The following OSBPL1A variants were observed in gnomAD, a reference collection of about 807,000 sequenced individuals.
OSBPL1A encodes the protein oxysterol binding protein like 1A.
OSBPL1A carries 80 observed loss-of-function variants against 137.1 expected under a neutral mutation model. The observed-to-expected ratio is 0.58, with a 90% confidence interval of 0.49 to 0.70. The LOEUF (loss-of-function observed/expected upper bound fraction) is 0.70. Ranked by LOEUF, OSBPL1A falls within the 30% of genes least tolerant of loss-of-function variation. The pLI is 0.00. For synonymous variants in OSBPL1A, 365 were observed against 389.7 expected (o/e 0.94, Z 0.75); for missense variants, 970 against 1,129.4 (o/e 0.86, Z 2.02).
intron 3 of OSBPL1A, chr18:24,368,009 C>T (rs1169898349): frequency 4.4e-6 from 1 of 229,438 alleles, no homozygotes; most frequent in African/African-American, 2.3e-5. Context: ...AACTGTCACA[C>T]TCAGAACTGA....
intron 4 of OSBPL1A, among the ~76,000 whole-genome samples, chr18:24,352,743 G>A (rs1181932842): frequency 6.6e-6 from 1 of 152,144 alleles, no homozygotes; most frequent in African/African-American, 2.4e-5. Context: ...ACAGAACAGA[G>A]TCCTCAGAAA....
rs770835813 is a variant in OSBPL1A at position 24,366,879 on chromosome 18, G to A, written c.282+13C>T. On this transcript the variant is annotated intron_variant, in intron 4 of 27. Coordinates refer to ENST00000319481, the MANE Select transcript of OSBPL1A (RefSeq NM_080597.4). ...ACCTCACTTACAAACATTGAACATA[G>A]AATGATTTTCACCTTTCGTCCTGTA... 7.5e-6 allele frequency: 12 copies of A among 1,606,660 alleles called. No homozygotes were observed. The highest frequency in any genetic ancestry group is 2.7e-5 in the African/African-American group (2 of 74,714).
intron 15 of OSBPL1A, among the ~76,000 whole-genome samples, chr18:24,251,419 CTATT>C (rs2089093443): frequency 6.6e-6 from 1 of 152,324 alleles, no homozygotes; most frequent in South Asian, 2.1e-4. Flanking sequence ...GAGAGAGACT[CTATT>C]TGTTTGGGAG....
chr18:24,342,669 G>A (rs974200910), intron 4 of OSBPL1A, among the ~76,000 whole-genome samples: 5 of 151,838 alleles, frequency 3.3e-5, no homozygotes, highest in African/African-American at 1.2e-4. Context: ...AACATAAACA[G>A]GCAAAAAATA....
At chr18:24,174,781 AT>A (rs1323595035) in intron 21 of OSBPL1A, among the ~76,000 whole-genome samples, 19 of 150,458 alleles carry the variant, frequency 1.3e-4, no homozygotes, top group African/African-American at 3.9e-4. Context: ...ATTTTTATTT[AT>A]TTTTTTTTAG....
At chr18:24,256,041 C>T (rs1424663746) in intron 15 of OSBPL1A, among the ~76,000 whole-genome samples, 9 of 152,076 alleles carry the variant, frequency 5.9e-5, no homozygotes, top group African/African-American at 1.7e-4. Context: ...GTGACCCGCC[C>T]GCCTCAGCCT....
rs538343607 is a variant in OSBPL1A, at chr18:24,318,289, C to T, written c.732+312G>A. Among the ~76,000 whole-genome samples, 4 of 152,024 alleles carry T rather than the reference C, an allele frequency of 2.6e-5. No individual in the cohort carries two copies. In the South Asian group the frequency reaches 8.3e-4, roughly 32 times the overall value. ...TGAACCCTCGTCTCTACTAAAAACA[C>T]AAAAATTAGCCAGGCACGGTGGCGG... On this transcript the variant is annotated intron_variant, in intron 9 of 27. Transcript: ENST00000319481.
At chr18:24,216,540 T>C (rs1055422124) in intron 17 of OSBPL1A, among the ~76,000 whole-genome samples, 2 of 152,086 alleles carry the variant, frequency 1.3e-5, no homozygotes, top group Non-Finnish European at 2.9e-5. Flanking sequence ...ACCATGTTCA[T>C]AGATTTTAAA....
chr18:24,299,484 A>G (rs1288251786), intron 14 of OSBPL1A, among the ~76,000 whole-genome samples: 2 of 152,128 alleles, frequency 1.3e-5, no homozygotes, highest in Non-Finnish European at 2.9e-5. Context: ...TTTCTCCTTC[A>G]TTTATCAAAC....
Position 24,163,186 on chromosome 18 carries a change from A to C in OSBPL1A, c.2846T>G (p.Ile949Ser). The change falls in exon 28 of 28, where the codon ATT (isoleucine) becomes AGT (serine). Residue 949 changes from isoleucine to serine, a missense_variant. Around this residue, in one of 2 missense-constraint regions of OSBPL1A, gnomAD observed 323 missense variants for 456.8 expected, o/e 0.71. Coordinates refer to ENST00000319481, the MANE Select transcript of OSBPL1A (RefSeq NM_080597.4). ...CCCTGACTTGTATGCATTTTAATAA[A>C]TGTCAGGCAAATTGAAGTAATTTCT... Reference protein sequence around the residue: ...WDRNYFNLPDIY With the variant: ...WDRNYFNLPDSY The C allele has an allele frequency of 6.2e-7, 1 of 1,604,464 alleles. No homozygotes were observed. The highest frequency in any genetic ancestry group is 1.1e-5 in the South Asian group (1 of 90,794).
chr18:24,165,500 TAGG>T (rs2086125382), intron 26 of OSBPL1A, among the ~76,000 whole-genome samples: 3 of 152,362 alleles, frequency 2.0e-5, no homozygotes, highest in African/African-American at 4.8e-5. Context: ...TCTGAATTCT[TAGG>T]AGACCTCACG....
intron 4 of OSBPL1A, among the ~76,000 whole-genome samples, chr18:24,342,629 T>A (rs1459687525): frequency 6.6e-6 from 1 of 152,160 alleles, no homozygotes; most frequent in East Asian, 1.9e-4. Flanking sequence ...AATGTTTTCA[T>A]AGCAAAAAAT....
At chr18:24,395,184 G>A (rs1179732560) in intron 1 of OSBPL1A, among the ~76,000 whole-genome samples, 90 of 152,136 alleles carry the variant, frequency 5.9e-4, no homozygotes, top group Admixed American at 5.9e-3. Flanking sequence ...AACTTGCTAG[G>A]TCATCAAAAA....
rs1479827454 is a variant in OSBPL1A, at chr18:24,175,116, A to ATATATG, written c.2094-2634_2094-2633insCATATA. 3.7e-4 allele frequency among the ~76,000 whole-genome samples: 12 copies of ATATATG among 32,796 alleles called. 1 individual carries two copies. Among genetic ancestry groups the ATATATG allele is most frequent in the African/African-American group, 6.7e-4 (11 of 16,388 alleles). The allele number at this position is 32,796 out of a possible 152,430, so 21.5% of individuals were successfully genotyped here. A position where few individuals can be genotyped will look rare whatever the true frequency, so the allele number is the denominator to read the frequency against. ...TTATTTGCCATGTGTATGTATATAT[A>ATATATG]TATATATATATATATATATACACAT... On this transcript the variant is annotated intron_variant, in intron 21 of 27. Coordinates refer to ENST00000319481, the MANE Select transcript of OSBPL1A (RefSeq NM_080597.4).
At chr18:24,225,980 T>C (rs972265567) in intron 16 of OSBPL1A, among the ~76,000 whole-genome samples, 3 of 152,072 alleles carry the variant, frequency 2.0e-5, no homozygotes, top group Admixed American at 1.3e-4. Flanking sequence ...TATACAAAAA[T>C]AAATAAAATA....
At chr18:24,365,304 G>T (rs372492371) in intron 4 of OSBPL1A, among the ~76,000 whole-genome samples, 1 of 152,146 alleles carries the variant, frequency 6.6e-6, no homozygotes, top group African/African-American at 2.4e-5. Flanking sequence ...AAATGTTTAG[G>T]CCGAGTGCGG....
chr18:24,311,848 C>T (rs1250001439), intron 13 of OSBPL1A, 136 bp downstream of exon 13: 1 of 991,802 alleles, frequency 1.0e-6, no homozygotes, highest in African/African-American at 1.6e-5. Context: ...CACAATGCAA[C>T]TCAGTGAAGA....
chr18:24,361,379 T>TA (rs2091619016), intron 4 of OSBPL1A, among the ~76,000 whole-genome samples: 1 of 152,248 alleles, frequency 6.6e-6, no homozygotes, highest in Non-Finnish European at 1.5e-5. Flanking sequence ...CTCTTGTTTA[T>TA]ATGCATTGGC....
intron 7 of OSBPL1A, among the ~76,000 whole-genome samples, chr18:24,322,971 T>C (rs2090893755): frequency 6.6e-6 from 1 of 152,196 alleles, no homozygotes; most frequent in African/African-American, 2.4e-5. Flanking sequence ...TGACACAGAT[T>C]TGTCCCTTAA....
Sources: allele counts gnomAD v4.1 joint callset (sites outside exome capture counted in the v4.1 genomes callset), GRCh38; gene constraint gnomAD v4.1.1; regional missense constraint gnomAD v4.1.1; transcripts MANE v1.5; gene names NCBI Gene and HGNC (gene_info 2026-07-23, HGNC 2026-07-21).